Variants in PPP4R3B observed in about 807,000 individuals in gnomAD.
PPP4R3B encodes the protein protein phosphatase 4 regulatory subunit 3B, also known as serine/threonine-protein phosphatase 4 regulatory subunit 3B.
In PPP4R3B, 52 loss-of-function variants were observed where a neutral mutation model predicts 95.4. The ratio of observed to expected loss-of-function variants is 0.54; its 90% CI spans 0.44 to 0.69. PPP4R3B has a LOEUF of 0.69. PPP4R3B is among the 30% of genes least tolerant of loss of function. The probability of loss-of-function intolerance (pLI) is 0.00; values close to 1 mark genes in which losing one functional copy is unlikely to be tolerated. For synonymous variants in PPP4R3B, 407 were observed against 343.9 expected, an observed-to-expected ratio of 1.18 and a Z score of -2.03; for missense variants, 1,003 against 1,005.9, an observed-to-expected ratio of 1.00 and a Z score of 0.04.
intron 15 of PPP4R3B, among the ~76,000 whole-genome samples, chr2:55,560,229 C>A (rs1439959297): frequency 6.6e-6 from 1 of 152,218 alleles, no homozygotes; most frequent in African/African-American, 2.4e-5. Flanking sequence ...ATGGGAAAGT[C>A]TGGAACTTCC....
intron 7 of PPP4R3B, among the ~76,000 whole-genome samples, chr2:55,583,180 C>T (rs1283956777): frequency 6.6e-6 from 1 of 152,072 alleles, no homozygotes. Flanking sequence ...CTTTCTGTTT[C>T]CTTCCTAAAG....
chr2:55,558,414 C>A (rs1460550328), intron 16 of PPP4R3B, among the ~76,000 whole-genome samples: 2 of 152,206 alleles, frequency 1.3e-5, no homozygotes, highest in Non-Finnish European at 2.9e-5. Context: ...TCGAGACCAT[C>A]CTGGCCAACA....
chr2:55,590,389 A>G (rs937320764), intron 4 of PPP4R3B, among the ~76,000 whole-genome samples: 7 of 152,172 alleles, frequency 4.6e-5, no homozygotes, highest in Non-Finnish European at 7.4e-5. Flanking sequence ...AGTACCGGTT[A>G]GACTGTTAAC....
intron 7 of PPP4R3B, 58 bp downstream of exon 7, chr2:55,584,993 T>G (rs377278714): frequency 8.4e-7 from 1 of 1,192,290 alleles, no homozygotes; most frequent in African/African-American, 1.6e-5. Context: ...TCTCAATAGT[T>G]TGCAAACACT....
intron 4 of PPP4R3B, among the ~76,000 whole-genome samples, chr2:55,597,867 T>C (rs543588293): frequency 5.9e-5 from 9 of 152,300 alleles, no homozygotes; most frequent in African/African-American, 2.2e-4. Flanking sequence ...TCTACCTCAA[T>C]TTTAGAAACA....
At chr2:55,569,582 C>G (rs1480583449) in intron 12 of PPP4R3B, among the ~76,000 whole-genome samples, 2 of 152,208 alleles carry the variant, frequency 1.3e-5, no homozygotes, top group South Asian at 4.1e-4. Flanking sequence ...CTCTCTCTTT[C>G]TCCTCTCTCT....
chr2:55,605,510 T>G (rs1472701262), intron 2 of PPP4R3B, among the ~76,000 whole-genome samples: 1 of 152,176 alleles, frequency 6.6e-6, no homozygotes, highest in African/African-American at 2.4e-5. Context: ...CAGGTAAAAA[T>G]AGCTAGAAAT....
At chr2:55,615,865 A>AAT (rs1694838172) in intron 1 of PPP4R3B, among the ~76,000 whole-genome samples, 2 of 138,160 alleles carry the variant, frequency 1.4e-5, no homozygotes, top group South Asian at 5.0e-4. Context: ...TCCAAAAAAA[A>AAT]AAAAAAAAAA....
chr2:55,603,946 C>T (rs760371420), intron 3 of PPP4R3B, 32 bp downstream of exon 3: 8 of 1,477,714 alleles, frequency 5.4e-6, no homozygotes, highest in Non-Finnish European at 7.4e-6. Flanking sequence ...AAGAAGCAAA[C>T]ATTAAGTTAA....
At chr2:55,564,176 T>A (rs1686985460) in intron 15 of PPP4R3B, 137 bp downstream of exon 15, 1 of 638,762 alleles carries the variant, frequency 1.6e-6, no homozygotes, top group Admixed American at 3.9e-5. Context: ...AAGTACATAA[T>A]TTTAAAAGAA....
At chr2:55,582,967 T>C (rs915704851) in intron 7 of PPP4R3B, among the ~76,000 whole-genome samples, 1 of 152,100 alleles carries the variant, frequency 6.6e-6, no homozygotes, top group African/African-American at 2.4e-5. Context: ...AAATTTACCC[T>C]TTCTGCTTGG....
intron 4 of PPP4R3B, among the ~76,000 whole-genome samples, 180 bp downstream of exon 4, chr2:55,598,236 G>C (rs1231604072): frequency 1.3e-5 from 2 of 151,896 alleles, no homozygotes; most frequent in East Asian, 3.9e-4. Flanking sequence ...ATAAATAAAA[G>C]GTTGCACTAA....
At chr2:55,555,462 A>G (rs569701854) in intron 16 of PPP4R3B, among the ~76,000 whole-genome samples, 2 of 151,804 alleles carry the variant, frequency 1.3e-5, no homozygotes, top group South Asian at 4.2e-4. Flanking sequence ...AACCTATGAA[A>G]AAGCCCTTTG....
chr2:55,550,701 T>G (rs1685150373), intron 16 of PPP4R3B, among the ~76,000 whole-genome samples: 1 of 152,128 alleles, frequency 6.6e-6, no homozygotes, highest in African/African-American at 2.4e-5. Context: ...GTCCTATAGG[T>G]TAAGAGGGCT....
chr2:55,615,429 TTAAAGA>T lies in PPP4R3B; in HGVS notation c.198+16_198+21del. Reference sequence around the variant, plus strand: ...TTGATCACAGATGAAGTCTTTCAAATTAAAGATAAACAACTACTTGCCTGTTGTTTC... The same window carrying T: ...TTGATCACAGATGAAGTCTTTCAAATTAAACAACTACTTGCCTGTTGTTTC... On this transcript the variant is annotated intron_variant, in intron 2 of 16. Transcript: ENST00000616407. The T allele has an allele frequency of 1.3e-6, 2 of 1,550,188 alleles. No homozygotes were observed. The highest frequency in any genetic ancestry group is 1.8e-6 in the Non-Finnish European group (2 of 1,133,066).
rs576885192 is a variant in PPP4R3B at position 55,555,666 on chromosome 2, G to T, written c.2454+3109C>A. On this transcript the variant is annotated intron_variant, in intron 16 of 16. Coordinates refer to ENST00000616407, the MANE Select transcript of PPP4R3B (RefSeq NM_001122964.3). ...GTATATGAAATGATATATGCAAGTG[G>T]TCACATATTGCAGCAATGATTTTAA... is the stretch of plus-strand genomic sequence containing the variant. Among the ~76,000 whole-genome samples the T allele has an allele frequency of 6.6e-5, 10 of 152,266 alleles. No homozygotes were observed. The East Asian group carries it at 1.9e-3, about 29-fold the overall frequency.
intron 13 of PPP4R3B, among the ~76,000 whole-genome samples, chr2:55,566,411 T>A (rs973592484): frequency 1.8e-4 from 28 of 152,214 alleles, no homozygotes; most frequent in African/African-American, 6.3e-4. Flanking sequence ...ATTTGCTTTA[T>A]CTGTATCTCA....
Position 55,604,045 on chromosome 2 carries a change from T to G in PPP4R3B, c.230A>C (p.Asn77Thr), listed in dbSNP as rs1339126604. 1.2e-5 allele frequency: 20 copies of G among 1,609,232 alleles called. No homozygotes were observed. Among genetic ancestry groups the G allele is most frequent in the Non-Finnish European group, 1.7e-5 (20 of 1,178,122 alleles). The change falls in exon 3 of 17, where the codon AAC becomes ACC. Residue 77 changes from asparagine (N) to threonine (T), a missense_variant. Asn to Thr is a moderately conservative substitution (Grantham distance 65, BLOSUM62 0). This residue lies in a region of PPP4R3B where 695 missense variants were observed against 686.2 expected (regional missense o/e 1.01). Transcript: ENST00000616407. The stretch of plus-strand genomic sequence containing the variant: ...CTGAAAACTCAGAGCCAAATCATAG[T>G]TCTCTGCTTCTGACCAAACAATTAA... Reference protein sequence around the residue: ...DTLIVWSEAENYDLALSFQEK... With the variant: ...DTLIVWSEAETYDLALSFQEK...
chr2:55,553,021 G>A (rs10518773), intron 16 of PPP4R3B, among the ~76,000 whole-genome samples: 7 of 152,286 alleles, frequency 4.6e-5, no homozygotes, highest in Admixed American at 4.6e-4. Context: ...CTGGGTCATT[G>A]ATTCTACACC....
Sources: allele counts gnomAD v4.1 joint callset (sites outside exome capture counted in the v4.1 genomes callset), GRCh38; gene constraint gnomAD v4.1.1; regional missense constraint gnomAD v4.1.1; transcripts MANE v1.5; gene names NCBI Gene and HGNC (gene_info 2026-07-23, HGNC 2026-07-21).